BCAT1: variants seen among roughly 807,000 people sequenced by gnomAD.
BCAT1 encodes the protein branched-chain-amino-acid aminotransferase, cytosolic.
BCAT1 carries 48 observed loss-of-function variants against 52.4 expected under a neutral mutation model. The ratio of observed to expected loss-of-function variants is 0.92; its 90% CI spans 0.73 to 1.16. The LOEUF is 1.16. Among genes scored for constraint, BCAT1 ranks in the 50% most tolerant of loss-of-function variants. BCAT1 has a pLI of 0.00. For synonymous variants in BCAT1, 167 were observed against 161.3 expected (o/e 1.04, Z -0.27); for missense variants, 451 against 457.1 (o/e 0.99, Z 0.12).
chr12:24,885,924 T>A (rs1425923952), intron 3 of BCAT1, among the ~76,000 whole-genome samples: 3 of 152,224 alleles, frequency 2.0e-5, no homozygotes, highest in African/African-American at 7.2e-5. Flanking sequence ...TACTATAAGA[T>A]ATCTTTATAA....
intron 1 of BCAT1, among the ~76,000 whole-genome samples, chr12:24,914,395 T>C (rs1943375623): frequency 6.6e-6 from 1 of 152,134 alleles, no homozygotes; most frequent in Non-Finnish European, 1.5e-5. Flanking sequence ...TGGATTATTT[T>C]ATAAGCCATT....
At chr12:24,919,565 T>C (rs1003929512) in intron 1 of BCAT1, among the ~76,000 whole-genome samples, 1 of 152,204 alleles carries the variant, frequency 6.6e-6, no homozygotes, top group Non-Finnish European at 1.5e-5. Flanking sequence ...GAACAGAATA[T>C]GTCATGGTTA....
At chr12:24,834,206 A>C in intron 8 of BCAT1, 1 of 978,942 alleles carries the variant, frequency 1.0e-6, no homozygotes. Flanking sequence ...TTGAATGTAT[A>C]TTTGGACTTT....
At chr12:24,935,001 C>CAA (rs1943732208) in intron 1 of BCAT1, among the ~76,000 whole-genome samples, 1 of 152,202 alleles carries the variant, frequency 6.6e-6, no homozygotes, top group Non-Finnish European at 1.5e-5. Flanking sequence ...CTTCTTCTCT[C>CAA]TCTCTCTAAT....
At chr12:24,943,772 C>G (rs1014525097) in intron 1 of BCAT1, among the ~76,000 whole-genome samples, 3 of 152,040 alleles carry the variant, frequency 2.0e-5, no homozygotes, top group African/African-American at 7.2e-5. Flanking sequence ...ATCACGAGGT[C>G]AGGAGATCAA....
At chr12:24,889,289 T>C (rs990834321) in intron 3 of BCAT1, among the ~76,000 whole-genome samples, 10 of 152,198 alleles carry the variant, frequency 6.6e-5, no homozygotes, top group Non-Finnish European at 2.9e-5. Context: ...ACGTAGCCAC[T>C]TCAATAATAT....
Position 24,813,676 on chromosome 12 carries a change from C to T in BCAT1, c.*4332G>A, listed in dbSNP as rs145718681. On this transcript the variant is annotated 3_prime_UTR_variant, in exon 11 of 11. Coordinates refer to ENST00000261192, the MANE Select transcript of BCAT1 (RefSeq NM_005504.7). ...CACACCAGATGAGGAATGGTGTGAA[C>T]ACTAACCTAAACACCAACCTTATTA... 1.3e-5 allele frequency: 2 copies of T among 152,044 alleles called. No individual in the cohort carries two copies. The highest frequency in any genetic ancestry group is 2.9e-5 in the Non-Finnish European group (2 of 67,876). The allele number at this position is 152,044 out of a possible 1,614,324, so 9.4% of individuals were successfully genotyped here.
intron 1 of BCAT1, chr12:24,903,430 A>G (rs1943169451): frequency 6.2e-6 from 1 of 160,742 alleles, no homozygotes; most frequent in Non-Finnish European, 1.3e-5. Flanking sequence ...CTCCAAATCC[A>G]ACTGACAAAA....
At chr12:24,856,428 C>T (rs1941684687) in intron 5 of BCAT1, among the ~76,000 whole-genome samples, 1 of 152,152 alleles carries the variant, frequency 6.6e-6, no homozygotes, top group East Asian at 1.9e-4. Flanking sequence ...TCCTAACCCA[C>T]GGTGTGACTG....
At chr12:24,849,402 T>G (rs767709048) in intron 6 of BCAT1, among the ~76,000 whole-genome samples, 1 of 152,220 alleles carries the variant, frequency 6.6e-6, no homozygotes, top group African/African-American at 2.4e-5. Flanking sequence ...CAGGACCAGA[T>G]GCTTTTTAAT....
chr12:24,828,464 T>C (rs1365590297), intron 10 of BCAT1, among the ~76,000 whole-genome samples: 1 of 152,142 alleles, frequency 6.6e-6, no homozygotes. Context: ...GATTTATCCT[T>C]AGGAAGTAAT....
chr12:24,854,117 A>C (rs1027723490), intron 5 of BCAT1, among the ~76,000 whole-genome samples: 1 of 152,254 alleles, frequency 6.6e-6, no homozygotes, highest in Non-Finnish European at 1.5e-5. Flanking sequence ...GAAAATAAAA[A>C]GACATGTCAC....
chr12:24,867,947 G>A (rs2139548220), intron 5 of BCAT1, among the ~76,000 whole-genome samples: 1 of 152,366 alleles, frequency 6.6e-6, no homozygotes, highest in Middle Eastern at 3.4e-3. Flanking sequence ...AGAGGTTGCA[G>A]TGAGCCGAGA....
At chr12:24,862,360 T>A (rs1266586378) in intron 5 of BCAT1, among the ~76,000 whole-genome samples, 5 of 152,198 alleles carry the variant, frequency 3.3e-5, no homozygotes, top group Non-Finnish European at 5.9e-5. Flanking sequence ...TCTGAAAGAC[T>A]GGTATCAACC....
intron 5 of BCAT1, among the ~76,000 whole-genome samples, chr12:24,854,708 C>G (rs1264902304): frequency 3.0e-4 from 45 of 152,152 alleles, no homozygotes; most frequent in Admixed American, 2.9e-3. Flanking sequence ...TCTCATACAA[C>G]AGAACAATTC....
rs571654164 is a variant in BCAT1 at position 24,876,071 on chromosome 12, A to G, written c.510+2459T>C. Among the ~76,000 whole-genome samples, 5 of 152,224 alleles carry G rather than the reference A, an allele frequency of 3.3e-5. No individual in the cohort carries two copies. In the South Asian group the frequency reaches 6.2e-4, roughly 19 times the overall value. On this transcript the variant is annotated intron_variant, in intron 5 of 10. Transcript: ENST00000261192. ...ATTATTTTATAATAAAGTATTGGTTATCTCACATAATTTATTGAATACTGT... is the reference window on the plus strand; with the variant it reads ...ATTATTTTATAATAAAGTATTGGTTGTCTCACATAATTTATTGAATACTGT...
At chr12:24,844,817 A>G (rs1941287810) in intron 6 of BCAT1, among the ~76,000 whole-genome samples, 1 of 133,416 alleles carries the variant, frequency 7.5e-6, no homozygotes. Flanking sequence ...GAATGGCGTG[A>G]ACCCGGGAGG....
At chr12:24,929,134 T>G (rs1433170773) in intron 1 of BCAT1, among the ~76,000 whole-genome samples, 1 of 152,222 alleles carries the variant, frequency 6.6e-6, no homozygotes, top group East Asian at 1.9e-4. Flanking sequence ...AACTAGGCAT[T>G]AAGCCTTACA....
intron 3 of BCAT1, among the ~76,000 whole-genome samples, chr12:24,886,122 CAT>C (rs1232861771): frequency 6.6e-6 from 1 of 152,186 alleles, no homozygotes; most frequent in East Asian, 1.9e-4. Flanking sequence ...ACCCAATAAA[CAT>C]ATGAAAAGGC....
Sources: allele counts gnomAD v4.1 joint callset (sites outside exome capture counted in the v4.1 genomes callset), GRCh38; gene constraint gnomAD v4.1.1; transcripts MANE v1.5; gene names NCBI Gene and HGNC (gene_info 2026-07-23, HGNC 2026-07-21).